CALML6: variants seen among roughly 807,000 people sequenced by gnomAD.
CALML6 encodes calmodulin-like protein 6.
A neutral mutation model predicts 25.0 loss-of-function variants in CALML6; 27 were observed. The observed-to-expected ratio is 1.08, with a 90% confidence interval of 0.80 to 1.49. The LOEUF is 1.49. Among genes scored for constraint, CALML6 ranks in the 40% most tolerant of loss-of-function variants. The pLI, the probability that CALML6 is intolerant of heterozygous loss-of-function variation, is 0.00. For synonymous variants in CALML6, 97 were observed against 87.2 expected, an observed-to-expected ratio of 1.11 and a Z score of -0.63; for missense variants, 239 against 232.7, an observed-to-expected ratio of 1.03 and a Z score of -0.18.
chr1:1,916,276 G>A (rs1447869857), intron 2 of CALML6, 165 bp from the exon 3 acceptor site: 12 of 617,682 alleles, frequency 1.9e-5, no homozygotes, highest in African/African-American at 9.2e-5. Context: ...CCTGGCGTGT[G>A]ACCCCTTGTC....
At position 1,917,280 on chromosome 1, in the gene CALML6, TA is replaced by T. The variant is rs1651168111; in HGVS notation, c.*90del. ...CCCACTCCCCCGGCTCCGTGTAAAA[TA>T]AATGTTCCAGCCCAACCTGTGTGTG... On this transcript the variant is annotated 3_prime_UTR_variant, in exon 6 of 6. Coordinates refer to ENST00000307786, the MANE Select transcript of CALML6 (RefSeq NM_138705.4). 2.8e-6 allele frequency: 4 copies of T among 1,419,026 alleles called. No individual in the cohort carries two copies. The highest frequency in any genetic ancestry group is 3.8e-6 in the Non-Finnish European group (4 of 1,043,414). The allele number at this position is 1,419,026 out of a possible 1,614,324, so 87.9% of individuals were successfully genotyped here. A position where few individuals can be genotyped will look rare whatever the true frequency, so the allele number is the denominator to read the frequency against.
intron 2 of CALML6, 23 bp from the exon 3 acceptor site, chr1:1,916,418 G>A: frequency 2.0e-6 from 3 of 1,499,774 alleles, no homozygotes; most frequent in Non-Finnish European, 2.7e-6. Flanking sequence ...TCCTGGTCAG[G>A]CCGGTGCGGG....
At chr1:1,916,017 A>G (rs1177007778) in intron 2 of CALML6, 1 of 529,806 alleles carries the variant, frequency 1.9e-6, no homozygotes, top group Non-Finnish European at 3.4e-6. Flanking sequence ...GCTGGAGCCC[A>G]GGGTTCTGCT....
Position 1,916,510 on chromosome 1 carries a change from A to G in CALML6, c.148A>G (p.Asn50Asp). ...GVFEMFDEEG[N>D]GEVKTGELEW... is the part of the protein sequence containing the mutation. ...CTTTGAGATGTTCGACGAAGAGGGC[A>G]ACGGGGAGGTGAAGACGGGGGAGCT... The change falls in exon 3 of 6, where the codon AAC becomes GAC. Residue 50 changes from asparagine to aspartate, a missense_variant. Coordinates refer to ENST00000307786, the MANE Select transcript of CALML6 (RefSeq NM_138705.4). The G allele has an allele frequency of 6.2e-7, 1 of 1,603,862 alleles. No homozygotes were observed. Among genetic ancestry groups the G allele is most frequent in the Non-Finnish European group, 8.5e-7 (1 of 1,175,388 alleles).
chr1:1,915,327 G>A lies in CALML6; in HGVS notation c.27+20G>A. ...TCACTGGTAAGTGATGACAGCATGG[G>A]ACCAGGGTCCCATGAAGACCTGCTG... On this transcript the variant is annotated intron_variant, in intron 1 of 5. Transcript: ENST00000307786. The A allele has an allele frequency of 6.4e-7, 1 of 1,551,806 alleles. No homozygotes were observed.
intron 4 of CALML6, 34 bp downstream of exon 4, chr1:1,916,930 G>GGGGGGGGGGGGGGGGGC: frequency 4.5e-6 from 3 of 664,942 alleles, no homozygotes; most frequent in East Asian, 4.4e-5. Context: ...TGGTGGGCGG[G>GGGGGGGGGGGGGGGGGC]CACGGGCAGG....
At position 1,917,039 on chromosome 1, in the gene CALML6, C is replaced by A. The variant is rs200257908; in HGVS notation, c.464C>A (p.Ala155Asp). The change falls in exon 5 of 6, where the codon GCC becomes GAC. Residue 155 changes from alanine (A) to aspartate (D), a missense_variant. Ala to Asp is a moderately radical substitution (Grantham distance 126). Coordinates refer to ENST00000307786, the MANE Select transcript of CALML6 (RefSeq NM_138705.4). The part of the protein sequence containing the change: ...EVEAEQMMKE[A>D]DKDGDRTIDY... ...GAGGCGGAGCAGATGATGAAGGAGG[C>A]CGACAAGGATGGGGACAGGACCATC... 68 of 1,609,632 alleles carry A rather than the reference C, an allele frequency of 4.2e-5. No individual in the cohort carries two copies. Among genetic ancestry groups the A allele is most frequent in the Non-Finnish European group, 5.3e-5 (62 of 1,177,566 alleles).
At chr1:1,916,221 T>C in intron 2 of CALML6, 1 of 499,280 alleles carries the variant, frequency 2.0e-6, no homozygotes, top group South Asian at 3.5e-5. Context: ...GTCTGGCCCT[T>C]GCCCCTGTTA....
rs377222826 is a variant in CALML6, at chr1:1,917,078, A to G, written c.499+4A>G. On this transcript the variant is annotated splice_donor_region_variant and intron_variant, in intron 5 of 5. Transcript: ENST00000307786. ...GACAGGACCATCGACTATGAGGGTG[A>G]GTGGCCTGGAGCCCTGGGAGCCGTT... 6.2e-7 allele frequency: 1 copy of G among 1,610,118 alleles called. No homozygotes were observed.
intron 2 of CALML6, chr1:1,916,024 T>A: frequency 1.9e-6 from 1 of 522,658 alleles, no homozygotes; most frequent in Non-Finnish European, 3.5e-6. Context: ...CCCAGGGTTC[T>A]GCTTCCTGGG....
chr1:1,916,520 T>G lies in CALML6; in HGVS notation c.158T>G (p.Val53Gly). ...TTCGACGAAGAGGGCAACGGGGAGG[T>G]GAAGACGGGGGAGCTGGAGTGGCTC... ...EMFDEEGNGE[V>G]KTGELEWLMS... The change falls in exon 3 of 6, where the codon GTG becomes GGG. Residue 53 changes from valine (V) to glycine (G), a missense_variant. Around this residue, in one of 2 missense-constraint regions of CALML6, gnomAD observed 231 missense variants for 210.9 expected, o/e 1.10. Coordinates refer to ENST00000307786, the MANE Select transcript of CALML6 (RefSeq NM_138705.4). 1.2e-6 allele frequency: 2 copies of G among 1,605,788 alleles called. No homozygotes were observed. The highest frequency in any genetic ancestry group is 1.7e-5 in the Admixed American group (1 of 58,398).
intron 1 of CALML6, 145 bp from the exon 2 acceptor site, chr1:1,915,540 G>A: frequency 8.2e-7 from 1 of 1,213,372 alleles, no homozygotes; most frequent in South Asian, 1.4e-5. Flanking sequence ...GGGCCCTGTG[G>A]ATAAGGCCGA....
rs781411558 is a variant in CALML6 at position 1,917,188 on chromosome 1, C to T, written c.541C>T (p.Gln181Ter). Reference sequence around the variant, plus strand: ...GACGGGGGAGTCCTTCAAGCTGATCCAGTAGGTGCAGCTGCCGCAGCCGGG... The same window carrying T: ...GACGGGGGAGTCCTTCAAGCTGATCTAGTAGGTGCAGCTGCCGCAGCCGGG... ...MMTGESFKLI[Q>*] Residue 181 changes from glutamine (Q) to a stop codon, truncating the protein, a stop_gained, in exon 6 of 6, where the codon CAG becomes TAG. Transcript: ENST00000307786. LOFTEE classifies it high-confidence loss of function. The T allele has an allele frequency of 1.0e-5, 16 of 1,600,906 alleles. No individual in the cohort carries two copies. Among genetic ancestry groups the T allele is most frequent in the Non-Finnish European group, 1.3e-5 (15 of 1,175,528 alleles).
At chr1:1,916,272 G>A (rs890999147) in intron 2 of CALML6, 169 bp from the exon 3 acceptor site, 41 of 602,362 alleles carry the variant, frequency 6.8e-5, no homozygotes, top group Admixed American at 2.8e-4. Flanking sequence ...AACCCCTGGC[G>A]TGTGACCCCT....
chr1:1,916,705 G>T (rs1370432342), intron 3 of CALML6, 47 bp from the exon 4 acceptor site: 2 of 1,612,762 alleles, frequency 1.2e-6, no homozygotes, highest in South Asian at 2.2e-5. Context: ...AAAGCCCATG[G>T]GGAGTGCTGT....
Position 1,916,839 on chromosome 1 carries a change from C to T in CALML6, c.341C>T (p.Ala114Val), listed in dbSNP as rs760650110. Residue 114 changes from alanine to valine, a missense_variant, in exon 4 of 6, where the codon GCG becomes GTG. Ala to Val is a moderately conservative substitution (Grantham distance 64). Coordinates refer to ENST00000307786, the MANE Select transcript of CALML6 (RefSeq NM_138705.4). ...KAQNQESELR[A>V]AFRVFDKEGK... ...CAGAACCAGGAGAGCGAGCTGAGGG[C>T]GGCATTCCGTGTCTTTGACAAAGAG... 179 of 1,583,854 alleles carry T rather than the reference C, an allele frequency of 1.1e-4. 1 individual carries two copies. The highest frequency in any genetic ancestry group is 1.4e-4 in the Non-Finnish European group (165 of 1,164,808).
chr1:1,916,931 C>T lies in CALML6; in HGVS notation c.398+35C>T, dbSNP rs756542049. On this transcript the variant is annotated intron_variant, in intron 4 of 5. Coordinates refer to ENST00000307786, the MANE Select transcript of CALML6 (RefSeq NM_138705.4). ...GGGTTGGGGGCGGGTGGTGGGCGGGCACGGGCAGGGCCGATGGAGTGGCTC... is the reference window on the plus strand; with the variant it reads ...GGGTTGGGGGCGGGTGGTGGGCGGGTACGGGCAGGGCCGATGGAGTGGCTC... The T allele has an allele frequency of 5.1e-6, 8 of 1,581,340 alleles. No individual in the cohort carries two copies. The South Asian group carries it at 8.8e-5, about 17-fold the overall frequency.
At position 1,917,044 on chromosome 1, in the gene CALML6, A is replaced by G; in HGVS notation, c.469A>G (p.Lys157Glu). ...EAEQMMKEAD[K>E]DGDRTIDYEE... ...GGAGCAGATGATGAAGGAGGCCGAC[A>G]AGGATGGGGACAGGACCATCGACTA... The change falls in exon 5 of 6, where the codon AAG becomes GAG. Residue 157 changes from lysine (K) to glutamate (E), a missense_variant. Transcript: ENST00000307786. 6.2e-7 allele frequency: 1 copy of G among 1,610,186 alleles called. No individual in the cohort carries two copies.
chr1:1,916,104 C>A, intron 2 of CALML6: 1 of 421,242 alleles, frequency 2.4e-6, no homozygotes, highest in Non-Finnish European at 4.3e-6. Context: ...CTGCTCTCGG[C>A]TTCCTTCACC....
Sources: allele counts gnomAD v4.1 joint callset, GRCh38; gene constraint gnomAD v4.1.1; regional missense constraint gnomAD v4.1.1; transcripts MANE v1.5; gene names NCBI Gene and HGNC (gene_info 2026-07-23, HGNC 2026-07-21).